Variants in ANKRD26 observed in about 807,000 individuals in gnomAD.
The protein encoded by ANKRD26 is ankyrin repeat domain-containing protein 26.
Under a neutral mutation model 208.7 loss-of-function variants are expected in ANKRD26, and 141 were observed. The observed-to-expected ratio is 0.68, with a 90% CI of 0.59 to 0.78. The LOEUF is 0.78. Ranked by LOEUF, ANKRD26 falls within the 30% of genes least tolerant of loss-of-function variation. The pLI is 0.00. For synonymous variants in ANKRD26, 636 were observed against 660.4 expected (o/e 0.96, Z 0.57); for missense variants, 1,889 against 1,938.7 (o/e 0.97, Z 0.48).
downstream of ANKRD26, among the ~76,000 whole-genome samples, chr10:26,989,462 T>C (rs747307371): frequency 4.6e-5 from 7 of 152,340 alleles, no homozygotes; most frequent in Middle Eastern, 3.4e-3. Flanking sequence ...GCATTAAGGA[T>C]GTTGAGAAGA....
chr10:26,969,552 AG>A (rs1480793736), downstream of ANKRD26, among the ~76,000 whole-genome samples: 1 of 152,184 alleles, frequency 6.6e-6, no homozygotes, highest in Non-Finnish European at 1.5e-5. Flanking sequence ...AGCACTCTCC[AG>A]GGCTCCATAG....
At position 27,046,364 on chromosome 10, in the gene ANKRD26, C is replaced by G. The variant is rs768512659; in HGVS notation, c.1974G>C (p.Glu658Asp). Residue 658 changes from glutamate to aspartate, a missense_variant, in exon 18 of 34, where the codon GAG becomes GAC. Glu to Asp is a conservative substitution (Grantham distance 45). Around this residue, in one of 3 missense-constraint regions of ANKRD26, gnomAD observed 1,272 missense variants for 1,273.8 expected, o/e 1.00. Coordinates refer to ENST00000376087, the MANE Select transcript of ANKRD26 (RefSeq NM_014915.3). ...DDDSSLSEID[E>D]DEGRPTKKTS... ...ATCATAGATTTTACCTTCCTTCATC[C>G]TCATCTATTTCACTTAAACTGCTGT... 19 of 1,613,880 alleles carry G rather than the reference C, an allele frequency of 1.2e-5. No individual in the cohort carries two copies.
At chr10:26,947,889 T>A in the ANKRD26 span, among the ~76,000 whole-genome samples, 2 of 152,198 alleles carry the variant, frequency 1.3e-5, no homozygotes, top group African/African-American at 2.4e-5. Context: ...TAATAACAAT[T>A]CTAAGTAAGA....
chr10:26,993,016 C>T (rs1342639432), intron 5 of ANKRD26, among the ~76,000 whole-genome samples: 1 of 152,120 alleles, frequency 6.6e-6, no homozygotes, highest in Non-Finnish European at 1.5e-5. Context: ...ACTCATGTGT[C>T]TATCATTTAG....
chr10:26,951,013 C>CTTTTTTTTTTTTT, the ANKRD26 span, among the ~76,000 whole-genome samples: 103 of 100,868 alleles, frequency 1.0e-3, 9 homozygotes, highest in African/African-American at 4.2e-3. Flanking sequence ...CTTTTCTTTT[C>CTTTTTTTTTTTTT]TTTTTCTTTT....
chr10:27,055,771 G>C (rs552637137), intron 15 of ANKRD26, among the ~76,000 whole-genome samples: 1 of 152,066 alleles, frequency 6.6e-6, no homozygotes, highest in African/African-American at 2.4e-5. Context: ...CCACTAATAC[G>C]GGGCAGTCCA....
intron 32 of ANKRD26, among the ~76,000 whole-genome samples, chr10:27,008,704 A>C (rs1041382408): frequency 1.3e-5 from 2 of 152,226 alleles, no homozygotes; most frequent in Admixed American, 6.5e-5. Context: ...AACTTCCTGC[A>C]TAACAAATTT....
At chr10:27,025,699 C>G (rs2053637759) in intron 27 of ANKRD26, among the ~76,000 whole-genome samples, 1 of 152,140 alleles carries the variant, frequency 6.6e-6, no homozygotes, top group Non-Finnish European at 1.5e-5. Flanking sequence ...TTTCTAAATG[C>G]AGCAACCCTT....
At chr10:26,984,517 C>A (rs2052355246) in intron 3 of ANKRD26, among the ~76,000 whole-genome samples, 1 of 152,158 alleles carries the variant, frequency 6.6e-6, no homozygotes, top group Admixed American at 6.5e-5. Context: ...GAGTCCTTTA[C>A]CAAAGACTTT....
chr10:26,968,592 T>G, the ANKRD26 span, among the ~76,000 whole-genome samples: 1 of 152,224 alleles, frequency 6.6e-6, no homozygotes, highest in African/African-American at 2.4e-5. Context: ...TAATCATGGT[T>G]TAATACCAAG....
intron 9 of ANKRD26, among the ~76,000 whole-genome samples, chr10:27,070,205 G>A (rs2055430514): frequency 6.6e-6 from 1 of 150,458 alleles, no homozygotes; most frequent in Non-Finnish European, 1.5e-5. Context: ...AGGTGTTCAA[G>A]ACCAGCCAAC....
chr10:26,997,287 C>G (rs929764970), intron 4 of ANKRD26, among the ~76,000 whole-genome samples: 2 of 152,162 alleles, frequency 1.3e-5, no homozygotes, highest in Admixed American at 6.5e-5. Flanking sequence ...TTTCATTACT[C>G]TGAGAAATGG....
the ANKRD26 span, among the ~76,000 whole-genome samples, chr10:26,949,712 C>A: frequency 6.6e-6 from 1 of 152,074 alleles, no homozygotes; most frequent in Admixed American, 6.5e-5. Flanking sequence ...ACCATCGTGG[C>A]CAGGCTGGCC....
At chr10:27,033,084 A>G (rs867394808) in intron 25 of ANKRD26, 141 bp downstream of exon 25, 7 of 348,272 alleles carry the variant, frequency 2.0e-5, no homozygotes, top group Non-Finnish European at 2.9e-5. Context: ...CTCCATCTCA[A>G]AAAAAAAAAA....
chr10:26,951,767 T>C, the ANKRD26 span, among the ~76,000 whole-genome samples: 1 of 152,232 alleles, frequency 6.6e-6, no homozygotes, highest in Non-Finnish European at 1.5e-5. Flanking sequence ...TTAATTATAA[T>C]ACTGACTTTA....
chr10:27,061,387 A>G (rs2055050685), intron 12 of ANKRD26, 145 bp from the exon 13 acceptor site: 1 of 553,042 alleles, frequency 1.8e-6, no homozygotes, highest in African/African-American at 1.9e-5. Flanking sequence ...TTTATTTAAA[A>G]TAACAATTTT....
At chr10:26,988,290 G>A (rs2052423325), downstream of ANKRD26, among the ~76,000 whole-genome samples, 1 of 152,106 alleles carries the variant, frequency 6.6e-6, no homozygotes, top group Admixed American at 6.6e-5. Context: ...GTTCTTTGAT[G>A]GAGATAATAT....
the ANKRD26 span, among the ~76,000 whole-genome samples, chr10:26,956,244 G>C: frequency 4.6e-5 from 7 of 152,036 alleles, no homozygotes; most frequent in Admixed American, 6.6e-5. Flanking sequence ...GCTAAAAATA[G>C]GATATTTACT....
intron 5 of ANKRD26, among the ~76,000 whole-genome samples, chr10:27,083,304 T>C (rs1192227441): frequency 6.6e-6 from 1 of 152,034 alleles, no homozygotes; most frequent in African/African-American, 2.4e-5. Context: ...ACATGCACTC[T>C]TAACTGATAG....
Sources: gnomAD v4.1 joint callset for allele counts (sites outside exome capture counted in the v4.1 genomes callset) on GRCh38, gnomAD v4.1.1 for gene constraint, gnomAD v4.1.1 regional missense constraint, MANE v1.5 for transcripts, NCBI Gene and HGNC (gene_info 2026-07-23, HGNC 2026-07-21) for gene names.